Variants in ESR1 observed in about 807,000 individuals in gnomAD.
ESR1 encodes estrogen receptor.
In ESR1, 12 loss-of-function variants were observed where a neutral mutation model predicts 52.7. The ratio of observed to expected loss-of-function variants is 0.23; its 90% CI spans 0.15 to 0.37. The LOEUF is 0.37. Among genes scored for constraint, ESR1 ranks in the 10% least tolerant of loss-of-function variants. ESR1 has a pLI of 1.00. For missense variants in ESR1, 584 were observed against 779.7 expected, an observed-to-expected ratio of 0.75 and a Z score of 2.99; for synonymous variants, 305 against 316.8, an observed-to-expected ratio of 0.96 and a Z score of 0.39.
chr6:151,850,085 T>TGC, intron 2 of ESR1, among the ~76,000 whole-genome samples: 1 of 133,058 alleles, frequency 7.5e-6, no homozygotes, highest in Non-Finnish European at 1.6e-5. Context: ...AAAAATTATA[T>TGC]ATATATAATT....
At chr6:152,057,639 G>T (rs1389619097) in intron 5 of ESR1, among the ~76,000 whole-genome samples, 1 of 151,466 alleles carries the variant, frequency 6.6e-6, no homozygotes, top group Non-Finnish European at 1.5e-5. Flanking sequence ...ATATGTCTAT[G>T]ATTAATAGTC....
chr6:151,695,952 A>G (rs920256616), intron 1 of ESR1, among the ~76,000 whole-genome samples: 2 of 152,194 alleles, frequency 1.3e-5, no homozygotes, highest in Non-Finnish European at 2.9e-5. Flanking sequence ...TCCAAATTTT[A>G]CAAAATTTAC....
intron 2 of ESR1, among the ~76,000 whole-genome samples, chr6:151,860,339 T>G (rs933985113): frequency 6.6e-6 from 1 of 152,134 alleles, no homozygotes; most frequent in African/African-American, 2.4e-5. Flanking sequence ...AACATAGTCA[T>G]CATGTTGTAC....
At chr6:151,743,921 C>T (rs951452721) in intron 2 of ESR1, among the ~76,000 whole-genome samples, 2 of 152,070 alleles carry the variant, frequency 1.3e-5, no homozygotes, top group Non-Finnish European at 2.9e-5. Context: ...TTCCCATTTC[C>T]CCGGCCCCTG....
intron 6 of ESR1, chr6:152,112,785 G>A (rs1249090132): frequency 6.6e-6 from 1 of 152,244 alleles, no homozygotes; most frequent in African/African-American, 2.4e-5. Context: ...AACTGGAAGC[G>A]GCCAAGGGAT....
At chr6:151,911,080 G>T (rs539028977) in intron 3 of ESR1, among the ~76,000 whole-genome samples, 3 of 152,296 alleles carry the variant, frequency 2.0e-5, no homozygotes, top group African/African-American at 7.2e-5. Context: ...AGTAATGCTC[G>T]CTCACTGCTC....
chr6:151,733,502 C>T (rs189973570), intron 2 of ESR1, among the ~76,000 whole-genome samples: 5 of 152,260 alleles, frequency 3.3e-5, no homozygotes, highest in Admixed American at 2.0e-4. Flanking sequence ...TCTTCCTCCT[C>T]ATCATAATCT....
intron 4 of ESR1, among the ~76,000 whole-genome samples, chr6:151,958,883 G>C (rs747257192): frequency 1.3e-5 from 2 of 152,098 alleles, no homozygotes; most frequent in Non-Finnish European, 2.9e-5. Flanking sequence ...TGAAGTTTTT[G>C]CATCACTTCT....
upstream of ESR1, among the ~76,000 whole-genome samples, chr6:151,802,420 A>G (rs1226138583): frequency 1.3e-5 from 2 of 152,234 alleles, no homozygotes; most frequent in East Asian, 3.8e-4. Flanking sequence ...CATTTCTAGT[A>G]GTATAAGCTA....
At chr6:151,787,458 G>T (rs1048671907) in intron 2 of ESR1, among the ~76,000 whole-genome samples, 5 of 152,092 alleles carry the variant, frequency 3.3e-5, no homozygotes, top group African/African-American at 1.2e-4. Flanking sequence ...TATTGATATT[G>T]ATTCTTCCTA....
exon 7 of ESR1, chr6:152,127,824 A>G (rs544571206): frequency 6.6e-6 from 1 of 152,358 alleles, no homozygotes; most frequent in East Asian, 1.9e-4. Flanking sequence ...CCTAGTGTAC[A>G]TGCAAAAAAC....
chr6:151,731,120 G>A (rs1782204882), intron 2 of ESR1, among the ~76,000 whole-genome samples: 1 of 152,106 alleles, frequency 6.6e-6, no homozygotes, highest in African/African-American at 2.4e-5. Context: ...TTGGGAGGCC[G>A]AGATGGGTGG....
At chr6:151,990,809 A>G (rs1322694824) in intron 4 of ESR1, among the ~76,000 whole-genome samples, 1 of 152,232 alleles carries the variant, frequency 6.6e-6, no homozygotes, top group African/African-American at 2.4e-5. Flanking sequence ...AATTATCAGT[A>G]CAGGTCAGTG....
At chr6:151,870,084 T>C (rs1008649154) in intron 2 of ESR1, among the ~76,000 whole-genome samples, 3 of 152,218 alleles carry the variant, frequency 2.0e-5, no homozygotes, top group African/African-American at 7.2e-5. Context: ...ATTGGAGATA[T>C]TCACTTTAAT....
intron 5 of ESR1, among the ~76,000 whole-genome samples, chr6:152,046,997 A>G (rs2046280875): frequency 6.6e-6 from 1 of 152,134 alleles, no homozygotes; most frequent in African/African-American, 2.4e-5. Context: ...ACCACCTCTT[A>G]CCCTCATGAA....
rs539291486 is a variant in ESR1 at position 152,099,235 on chromosome 6, G to A, written c.*269G>A. 2.5e-4 allele frequency: 129 copies of A among 514,330 alleles called. 1 individual carries two copies. The highest frequency in any genetic ancestry group is 4.1e-4 in the Non-Finnish European group (115 of 280,934). The allele number at this position is 514,330 out of a possible 1,614,324, so 31.9% of individuals were successfully genotyped here. Reference sequence around the variant, plus strand: ...TATGTTACTAAGCGTGAGGATTCCCGTAGCTCTTCACAGCTGAACTCAGTC... The same window carrying A: ...TATGTTACTAAGCGTGAGGATTCCCATAGCTCTTCACAGCTGAACTCAGTC... On this transcript the variant is annotated 3_prime_UTR_variant, in exon 8 of 8. Transcript: ENST00000206249.
chr6:151,725,902 A>G (rs1333250795), intron 2 of ESR1, among the ~76,000 whole-genome samples: 1 of 152,236 alleles, frequency 6.6e-6, no homozygotes, highest in Non-Finnish European at 1.5e-5. Context: ...TTGTTATTGA[A>G]TTCAAGGCAA....
chr6:151,737,165 GGAA>G (rs1782740963), intron 2 of ESR1, among the ~76,000 whole-genome samples: 1 of 151,956 alleles, frequency 6.6e-6, no homozygotes, highest in Non-Finnish European at 1.5e-5. Flanking sequence ...TCTATTTTAT[GGAA>G]GTACATCATT....
At chr6:151,732,672 A>G (rs924953301) in intron 2 of ESR1, among the ~76,000 whole-genome samples, 2 of 152,132 alleles carry the variant, frequency 1.3e-5, no homozygotes, top group Admixed American at 1.3e-4. Context: ...CCCTTAACCC[A>G]GAATTAACTT....
Sources: gnomAD v4.1 joint callset for allele counts (sites outside exome capture counted in the v4.1 genomes callset) on GRCh38, gnomAD v4.1.1 for gene constraint, MANE v1.5 for transcripts, NCBI Gene and HGNC (gene_info 2026-07-23, HGNC 2026-07-21) for gene names.